UBE2D2: variants seen among roughly 807,000 people sequenced by gnomAD.
UBE2D2 encodes the protein ubiquitin-conjugating enzyme E2 D2.
In UBE2D2, 2 loss-of-function variants were observed where a neutral mutation model predicts 24.2. That is an observed-to-expected ratio of 0.08 (90% confidence interval 0.03 to 0.26). The LOEUF is 0.26. Ranked by LOEUF, UBE2D2 falls within the 10% of genes least tolerant of loss-of-function variation. The pLI, the probability that UBE2D2 is intolerant of heterozygous loss-of-function variation, is 1.00. For missense variants in UBE2D2, 44 were observed against 177.6 expected (o/e 0.25, Z 4.28); for synonymous variants, 58 against 56.5 (o/e 1.03, Z -0.12).
At chr5:139,592,971 A>G (rs1020158717) in intron 1 of UBE2D2, among the ~76,000 whole-genome samples, 5 of 146,740 alleles carry the variant, frequency 3.4e-5, no homozygotes, top group Non-Finnish European at 6.0e-5. Context: ...CCAAATTAAC[A>G]TGATTCTCAG....
At chr5:139,584,016 CA>C (rs941784649) in intron 1 of UBE2D2, among the ~76,000 whole-genome samples, 1 of 151,854 alleles carries the variant, frequency 6.6e-6, no homozygotes, top group Admixed American at 6.6e-5. Context: ...CCTGAGTGTA[CA>C]GTGTTTATAA....
intron 1 of UBE2D2, among the ~76,000 whole-genome samples, chr5:139,563,472 G>A (rs1753152802): frequency 6.6e-6 from 1 of 151,334 alleles, no homozygotes; most frequent in Non-Finnish European, 1.5e-5. Flanking sequence ...CTGAGGAGTA[G>A]TCATCCAAAA....
At chr5:139,599,716 G>A (rs1206870513) in intron 1 of UBE2D2, 2 of 152,042 alleles carry the variant, frequency 1.3e-5, no homozygotes, top group Non-Finnish European at 2.9e-5. Flanking sequence ...CAGCCTGGGC[G>A]ACAGAGCAAG....
chr5:139,625,276 G>GTTTTT (rs535886136), intron 6 of UBE2D2, among the ~76,000 whole-genome samples: 2 of 84,990 alleles, frequency 2.4e-5, no homozygotes, highest in African/African-American at 4.8e-5. Context: ...TGGCTAATTT[G>GTTTTT]TTTTTTTTTT....
At chr5:139,623,766 A>C in intron 6 of UBE2D2, 1 of 189,200 alleles carries the variant, frequency 5.3e-6, no homozygotes, top group Non-Finnish European at 1.1e-5. Flanking sequence ...GTCTTGGCTC[A>C]CTGCAACCTC....
Position 139,626,942 on chromosome 5 carries a change from G to A in UBE2D2, c.*141G>A, listed in dbSNP as rs1029486368. The A allele has an allele frequency of 6.1e-6, 4 of 653,736 alleles. No homozygotes were observed. The highest frequency in any genetic ancestry group is 7.9e-6 in the Non-Finnish European group (3 of 378,064). 40.5% of individuals were successfully genotyped at this position (653,736 alleles called of 1,614,324 possible). Reference sequence around the variant, plus strand: ...GCACATGTTTACCTGATACAGCAGTGCTGCGTGTTGTACATACTTGGAACA... The same window carrying A: ...GCACATGTTTACCTGATACAGCAGTACTGCGTGTTGTACATACTTGGAACA... On this transcript the variant is annotated 3_prime_UTR_variant, in exon 7 of 7. Coordinates refer to ENST00000398733, the MANE Select transcript of UBE2D2 (RefSeq NM_003339.3).
chr5:139,577,322 T>G (rs1390084204), intron 1 of UBE2D2, among the ~76,000 whole-genome samples: 1 of 151,526 alleles, frequency 6.6e-6, no homozygotes, highest in East Asian at 1.9e-4. Flanking sequence ...TGCTTCTTAC[T>G]AAAAATAGTT....
chr5:139,584,533 C>CTTTTTTTTTTTTTTTTTTTTTTT (rs10642044), intron 1 of UBE2D2, among the ~76,000 whole-genome samples: 1 of 133,068 alleles, frequency 7.5e-6, no homozygotes, highest in African/African-American at 2.9e-5. Context: ...CTTTTCTTTT[C>CTTTTTTTTTTTTTTTTTTTTTTT]TTTTTTTTTT....
Position 139,609,834 on chromosome 5 carries a change from C to T in UBE2D2, c.89-4752C>T, listed in dbSNP as rs192875005. ...TTGCCCAGGCTGGAGTGCAGTGGCA[C>T]GATCTCAGCTCACTGCAACCTCCGC... On this transcript the variant is annotated intron_variant, in intron 2 of 6. Coordinates refer to ENST00000398733, the MANE Select transcript of UBE2D2 (RefSeq NM_003339.3). 7.8e-3 allele frequency among the ~76,000 whole-genome samples: 1,163 copies of T among 149,134 alleles called. 7 individuals carry two copies. The highest frequency in any genetic ancestry group is 0.043 in the Middle Eastern group (12 of 280).
At chr5:139,531,599 C>T in intron 1 of UBE2D2, among the ~76,000 whole-genome samples, 1 of 145,950 alleles carries the variant, frequency 6.9e-6, no homozygotes, top group East Asian at 2.0e-4. Context: ...TGCACTCCAG[C>T]TTGGGTGACA....
At position 139,561,782 on chromosome 5, in the gene UBE2D2, G is replaced by A; in HGVS notation, c.-10G>A. The A allele has an allele frequency of 1.9e-6, 2 of 1,051,962 alleles. No individual in the cohort carries two copies. Among genetic ancestry groups the A allele is most frequent in the Non-Finnish European group, 1.2e-6 (1 of 802,332 alleles). The allele number at this position is 1,051,962 out of a possible 1,614,324, so 65.2% of individuals were successfully genotyped here. On this transcript the variant is annotated 5_prime_UTR_variant, in exon 1 of 7. Transcript: ENST00000398733. ...CCCGCCCCGGGGGCCGCCGCCACCCGCCTCCCACCATGGCTCTGAAGAGAA... is the reference window on the plus strand; with the variant it reads ...CCCGCCCCGGGGGCCGCCGCCACCCACCTCCCACCATGGCTCTGAAGAGAA...
chr5:139,560,863 T>C (rs181105326), upstream of UBE2D2, among the ~76,000 whole-genome samples: 1 of 152,246 alleles, frequency 6.6e-6, no homozygotes, highest in East Asian at 1.9e-4. Context: ...ATCTCCCTCG[T>C]GGCAGGTGCC....
chr5:139,599,561 C>T (rs1236355956), intron 1 of UBE2D2: 1 of 151,740 alleles, frequency 6.6e-6, no homozygotes, highest in African/African-American at 2.4e-5. Context: ...ACGGTGAAAC[C>T]CTGTCTCTAC....
At chr5:139,570,396 A>T (rs1163797756) in intron 1 of UBE2D2, among the ~76,000 whole-genome samples, 1 of 152,142 alleles carries the variant, frequency 6.6e-6, no homozygotes, top group Non-Finnish European at 1.5e-5. Context: ...GCTGAAGTGC[A>T]GTTGTGCAAT....
chr5:139,545,218 T>C (rs1007348554), intron 1 of UBE2D2, among the ~76,000 whole-genome samples: 8 of 152,110 alleles, frequency 5.3e-5, no homozygotes, highest in Non-Finnish European at 2.9e-5. Flanking sequence ...TCCCAATTGA[T>C]GGATAGATTG....
rs192605942 is a variant in UBE2D2, at chr5:139,539,056, G to A, written c.-64+12444G>A. Reference sequence around the variant, plus strand: ...CTCTTTTTTTTTGAGATGGCGTCTCGCTCTGTCGCCCAGGCTGGAGTGCAG... The same window carrying A: ...CTCTTTTTTTTTGAGATGGCGTCTCACTCTGTCGCCCAGGCTGGAGTGCAG... On this transcript the variant is annotated intron_variant, in intron 1 of 6. Coordinates refer to the UBE2D2 transcript ENST00000511725. 1.5e-3 allele frequency among the ~76,000 whole-genome samples: 230 copies of A among 151,876 alleles called. 2 individuals carry two copies. The highest frequency in any genetic ancestry group is 4.7e-3 in the African/African-American group (196 of 41,432).
At chr5:139,537,506 C>T (rs962083746) in intron 1 of UBE2D2, among the ~76,000 whole-genome samples, 3 of 151,914 alleles carry the variant, frequency 2.0e-5, no homozygotes, top group African/African-American at 7.2e-5. Context: ...GAGACAGTCT[C>T]GCTCTGTCAC....
At chr5:139,623,975 G>A (rs747073201) in intron 6 of UBE2D2, among the ~76,000 whole-genome samples, 5 of 152,120 alleles carry the variant, frequency 3.3e-5, no homozygotes, top group Non-Finnish European at 7.3e-5. Context: ...ACAGGTGTGA[G>A]CCACCACACC....
Position 139,578,541 on chromosome 5 carries a change from C to A in UBE2D2, c.24+16726C>A, listed in dbSNP as rs192711339. Among the ~76,000 whole-genome samples, 40 of 151,514 alleles carry A rather than the reference C, an allele frequency of 2.6e-4. 1 individual carries two copies. Among genetic ancestry groups the A allele is most frequent in the African/African-American group, 9.2e-4 (38 of 41,326 alleles). ...AATCACGGCTCACTGCAGCCTTGAC[C>A]CTCTGGGCTTAAGTGATCCTCCCAC... On this transcript the variant is annotated intron_variant, in intron 1 of 6. Transcript: ENST00000398733.
Sources: allele counts gnomAD v4.1 joint callset (sites outside exome capture counted in the v4.1 genomes callset), GRCh38; gene constraint gnomAD v4.1.1; transcripts MANE v1.5; gene names NCBI Gene and HGNC (gene_info 2026-07-23, HGNC 2026-07-21).